The following TXLNA variants were observed in gnomAD, a reference collection of about 807,000 sequenced individuals.
TXLNA encodes alpha-taxilin.
A neutral mutation model predicts 61.4 loss-of-function variants in TXLNA; 9 were observed. That is an observed-to-expected ratio of 0.15 (90% CI 0.09 to 0.26). The LOEUF (loss-of-function observed/expected upper bound fraction) is 0.26, where lower values mean the gene tolerates loss of function less well. Ranked by LOEUF, TXLNA falls within the 10% of genes least tolerant of loss-of-function variation. The pLI is 1.00. For missense variants in TXLNA, 565 were observed against 688.8 expected (o/e 0.82, Z 2.01); for synonymous variants, 257 against 267.7 (o/e 0.96, Z 0.39).
chr1:32,184,262 T>C (rs1385316898), intron 3 of TXLNA, among the ~76,000 whole-genome samples: 2 of 152,182 alleles, frequency 1.3e-5, no homozygotes, highest in Non-Finnish European at 2.9e-5. Context: ...CAATGGTGCC[T>C]ACTAAGGAGA....
In TXLNA at chr1:32,195,704, G is replaced by T. The variant is rs1469590940; in HGVS notation, c.*509G>T. ...CCTTTGATTCTCTAGACCTGGAAAA[G>T]GTGTCCCTAGGCAGAGCCCTGGCAG... is the stretch of plus-strand genomic sequence containing the variant. On this transcript the variant is annotated 3_prime_UTR_variant, in exon 11 of 11. Coordinates refer to ENST00000373610, the MANE Select transcript of TXLNA (RefSeq NM_175852.4). 3 of 456,402 alleles carry T rather than the reference G, an allele frequency of 6.6e-6. No individual in the cohort carries two copies. Among genetic ancestry groups the T allele is most frequent in the Non-Finnish European group, 1.3e-5 (3 of 227,142 alleles). 28.3% of individuals were successfully genotyped at this position (456,402 alleles called of 1,614,324 possible).
At chr1:32,187,911 G>GC in intron 4 of TXLNA, 43 bp from the exon 5 acceptor site, 1 of 1,597,076 alleles carries the variant, frequency 6.3e-7, no homozygotes, top group Non-Finnish European at 8.5e-7. Flanking sequence ...CACCAGGAAG[G>GC]CCCCACAAGA....
chr1:32,190,074 C>A lies in TXLNA; in HGVS notation c.788C>A (p.Ala263Asp). Residue 263 changes from alanine to aspartate, a missense_variant, in exon 6 of 11, where the codon GCC becomes GAC. Physicochemically the swap from Ala to Asp is moderately radical, Grantham distance 126. Transcript: ENST00000373610. ...GCCCAGGAAGAAGGTGTGCAGCGGG[C>A]CCGGGAGGAGGAGGAGAAGCGCAAG... The part of the protein sequence containing the change: ...RSLKEEGVQR[A>D]REEEEKRKEV... 1 of 1,580,528 alleles carries A rather than the reference C, an allele frequency of 6.3e-7. No homozygotes were observed. Among genetic ancestry groups the A allele is most frequent in the Non-Finnish European group, 8.6e-7 (1 of 1,163,102 alleles).
At chr1:32,194,413 T>C (rs1435775556) in intron 10 of TXLNA, among the ~76,000 whole-genome samples, 1 of 152,102 alleles carries the variant, frequency 6.6e-6, no homozygotes, top group Non-Finnish European at 1.5e-5. Flanking sequence ...CGGGTGCCAG[T>C]GATGTGCCTG....
chr1:32,181,960 G>A (rs989237156), intron 3 of TXLNA, among the ~76,000 whole-genome samples: 1 of 152,186 alleles, frequency 6.6e-6, no homozygotes, highest in Non-Finnish European at 1.5e-5. Context: ...GACTAGGCCA[G>A]AGTTGAAAAC....
chr1:32,180,630 G>A, intron 2 of TXLNA, 116 bp downstream of exon 2: 2 of 1,340,880 alleles, frequency 1.5e-6, no homozygotes, highest in Non-Finnish European at 2.0e-6. Context: ...TAGAATGAGA[G>A]GACAGTGCTG....
intron 8 of TXLNA, 117 bp from the exon 9 acceptor site, chr1:32,193,090 GA>G: frequency 2.8e-6 from 2 of 723,416 alleles, no homozygotes; most frequent in Admixed American, 2.2e-5. Flanking sequence ...TTGTTTTAAG[GA>G]AAAATAGTAT....
At position 32,195,801 on chromosome 1, in the gene TXLNA, T is replaced by C. The variant is rs1375707491; in HGVS notation, c.*606T>C. 2.2e-6 allele frequency: 1 copy of C among 456,214 alleles called. No homozygotes were observed. The highest frequency in any genetic ancestry group is 1.5e-5 in the South Asian group (1 of 64,568). 28.3% of individuals were successfully genotyped at this position (456,214 alleles called of 1,614,324 possible). ...AATGTTTTTGCGTGGGATGATGTGC[T>C]GGTCAGGAGCCCCTTGGGCATCGCT... On this transcript the variant is annotated 3_prime_UTR_variant, in exon 11 of 11. Coordinates refer to ENST00000373610, the MANE Select transcript of TXLNA (RefSeq NM_175852.4).
chr1:32,184,558 A>G lies in TXLNA; in HGVS notation c.539A>G (p.Asn180Ser). ...KEITLLMQTL[N>S]TLSTPEEKLA... The stretch of plus-strand genomic sequence containing the variant: ...ATCACGTTGCTGATGCAGACATTGA[A>G]TACTCTGAGTACCCCAGAGGAGAAG... The change falls in exon 4 of 11, where the codon AAT becomes AGT. Residue 180 changes from asparagine to serine, a missense_variant. By Grantham distance (46) the Asn-to-Ser change is conservative. Transcript: ENST00000373610. 1 of 1,613,878 alleles carries G rather than the reference A, an allele frequency of 6.2e-7. No individual in the cohort carries two copies. Among genetic ancestry groups the G allele is most frequent in the African/African-American group, 1.3e-5 (1 of 75,026 alleles).
At position 32,195,699 on chromosome 1, in the gene TXLNA, GA is replaced by G. The variant is rs1439356115; in HGVS notation, c.*508del. On this transcript the variant is annotated 3_prime_UTR_variant, in exon 11 of 11. Coordinates refer to ENST00000373610, the MANE Select transcript of TXLNA (RefSeq NM_175852.4). ...AGGCTCCTTTGATTCTCTAGACCTG[GA>G]AAAGGTGTCCCTAGGCAGAGCCCTG... 5 of 456,438 alleles carry G rather than the reference GA, an allele frequency of 1.1e-5. No homozygotes were observed. Among genetic ancestry groups the G allele is most frequent in the Non-Finnish European group, 1.8e-5 (4 of 227,182 alleles). 28.3% of individuals were successfully genotyped at this position (456,438 alleles called of 1,614,324 possible).
chr1:32,189,008 T>C (rs563170043), intron 5 of TXLNA, among the ~76,000 whole-genome samples: 26 of 152,348 alleles, frequency 1.7e-4, no homozygotes, highest in African/African-American at 6.0e-4. Flanking sequence ...AATGAAATTA[T>C]TATACATGTA....
intron 2 of TXLNA, among the ~76,000 whole-genome samples, chr1:32,180,901 C>T (rs751811334): frequency 1.3e-5 from 2 of 152,182 alleles, no homozygotes; most frequent in Non-Finnish European, 2.9e-5. Context: ...AGAAGTTGCT[C>T]CGTGCCATCC....
At chr1:32,194,237 C>A in intron 10 of TXLNA, 77 bp downstream of exon 10, 1 of 1,157,320 alleles carries the variant, frequency 8.6e-7, no homozygotes, top group Non-Finnish European at 1.3e-6. Context: ...TATGTTCTAC[C>A]CATCAGTGAC....
intron 3 of TXLNA, among the ~76,000 whole-genome samples, chr1:32,182,793 C>T (rs1449634048): frequency 6.6e-6 from 1 of 151,058 alleles, no homozygotes; most frequent in East Asian, 2.0e-4. Flanking sequence ...GACGACTAGG[C>T]AGAGTGGCTC....
chr1:32,193,389 G>C (rs1307555150), intron 9 of TXLNA, 89 bp downstream of exon 9: 2 of 989,998 alleles, frequency 2.0e-6, no homozygotes, highest in East Asian at 2.4e-5. Flanking sequence ...GCTCCCATCT[G>C]GGGTGTCTCA....
chr1:32,188,038 C>T lies in TXLNA; in HGVS notation c.682C>T (p.Arg228Cys), dbSNP rs369557114. Reference protein sequence around the residue: ...SQLVQEKDHLRGEHSKAVLAR... With the variant: ...SQLVQEKDHLCGEHSKAVLAR... ...GCTGGTGCAAGAGAAGGACCACCTG[C>T]GCGGTGAGCACAGCAAGGCCGTCCT... is the stretch of plus-strand genomic sequence containing the variant. The change falls in exon 5 of 11, where the codon CGC becomes TGC. Residue 228 changes from arginine (R) to cysteine (C), a missense_variant. Physicochemically the swap from Arg to Cys is radical, Grantham distance 180. Around this residue, in one of 2 missense-constraint regions of TXLNA, gnomAD observed 373 missense variants for 504.0 expected, o/e 0.74. Transcript: ENST00000373610. 1.2e-5 allele frequency: 20 copies of T among 1,609,706 alleles called. No individual in the cohort carries two copies. Among genetic ancestry groups the T allele is most frequent in the Non-Finnish European group, 1.4e-5 (16 of 1,177,994 alleles).
In TXLNA at chr1:32,194,857, G is replaced by C. The variant is rs191703782; in HGVS notation, c.1348-45G>C. 4.4e-3 allele frequency: 6,789 copies of C among 1,550,730 alleles called. 12 individuals carry two copies. Among genetic ancestry groups the C allele is most frequent in the Non-Finnish European group, 5.6e-3 (6,399 of 1,149,978 alleles). ...GCCGCCAAGTGGTGATGGTAAGTGG[G>C]AGGTTGATGGGGCACGGCACTGAAG... On this transcript the variant is annotated intron_variant, in intron 10 of 10. Coordinates refer to ENST00000373610, the MANE Select transcript of TXLNA (RefSeq NM_175852.4).
rs112648110 is a variant in TXLNA at position 32,195,977 on chromosome 1, CTTTTTT to C, written c.*792_*797del. On this transcript the variant is annotated 3_prime_UTR_variant, in exon 11 of 11. Transcript: ENST00000373610. ...GGTGTTTTTTTCTTTATTTCTTTTT[CTTTTTT>C]TTTTTTTTTCTTTTTCTTTTTTTTT... 14 of 155,236 alleles carry C rather than the reference CTTTTTT, an allele frequency of 9.0e-5. No individual in the cohort carries two copies. Among genetic ancestry groups the C allele is most frequent in the African/African-American group, 2.7e-4 (10 of 37,076 alleles). The allele number at this position is 155,236 out of a possible 1,614,324, so 9.6% of individuals were successfully genotyped here.
intron 6 of TXLNA, among the ~76,000 whole-genome samples, chr1:32,191,799 C>T (rs1161367568): frequency 6.6e-6 from 1 of 152,252 alleles, no homozygotes; most frequent in Non-Finnish European, 1.5e-5. Flanking sequence ...TTCACCTTCT[C>T]TCCATCCCTT....
Sources: gnomAD v4.1 joint callset for allele counts (sites outside exome capture counted in the v4.1 genomes callset) on GRCh38, gnomAD v4.1.1 for gene constraint, gnomAD v4.1.1 regional missense constraint, MANE v1.5 for transcripts, NCBI Gene and HGNC (gene_info 2026-07-23, HGNC 2026-07-21) for gene names.